The following SPIRE1 variants were observed in gnomAD, a reference collection of about 807,000 sequenced individuals.
The protein encoded by SPIRE1 is protein spire homolog 1.
Under a neutral mutation model 94.1 loss-of-function variants are expected in SPIRE1, and 40 were observed. That is an observed-to-expected ratio of 0.43 (90% confidence interval 0.33 to 0.55). The LOEUF is 0.55. Ranked by LOEUF, SPIRE1 falls within the 20% of genes least tolerant of loss-of-function variation. The pLI, the probability that SPIRE1 is intolerant of heterozygous loss-of-function variation, is 0.06. For missense variants in SPIRE1, 838 were observed against 975.2 expected (o/e 0.86, Z 1.87); for synonymous variants, 376 against 371.7 (o/e 1.01, Z -0.13).
At chr18:12,614,584 G>A (rs1220803425) in intron 2 of SPIRE1, among the ~76,000 whole-genome samples, 2 of 152,222 alleles carry the variant, frequency 1.3e-5, no homozygotes, top group Admixed American at 6.5e-5. Context: ...GGGAGGCCAA[G>A]GTGGGCAGAT....
intron 5 of SPIRE1, among the ~76,000 whole-genome samples, chr18:12,512,248 T>C (rs1203073442): frequency 6.6e-6 from 1 of 152,038 alleles, no homozygotes; most frequent in Non-Finnish European, 1.5e-5. Context: ...CTTGTAGTCC[T>C]GGCTACTTGG....
chr18:12,555,194 C>T (rs1424124966), intron 2 of SPIRE1, among the ~76,000 whole-genome samples: 1 of 152,076 alleles, frequency 6.6e-6, no homozygotes, highest in Non-Finnish European at 1.5e-5. Context: ...AAGCCTTCTC[C>T]CCTGGCAATA....
intron 1 of SPIRE1, among the ~76,000 whole-genome samples, chr18:12,656,406 A>C (rs887423496): frequency 1.3e-5 from 2 of 152,238 alleles, no homozygotes; most frequent in East Asian, 3.8e-4. Context: ...AAAAAATAAA[A>C]GATAAAAGCA....
upstream of SPIRE1, chr18:12,661,245 G>A (rs530269245): frequency 1.8e-4 from 53 of 298,014 alleles, no homozygotes; most frequent in African/African-American, 1.0e-3. Flanking sequence ...GAGGCGGAGC[G>A]TGCAGTGAGC....
intron 2 of SPIRE1, among the ~76,000 whole-genome samples, chr18:12,621,656 G>A (rs76736221): frequency 0.025 from 3,851 of 152,282 alleles, 170 homozygotes; most frequent in African/African-American, 0.087. Context: ...GTCCAGAATA[G>A]GCAAATCTAT....
chr18:12,492,435 T>C (rs1213653853), intron 8 of SPIRE1, among the ~76,000 whole-genome samples: 1 of 152,198 alleles, frequency 6.6e-6, no homozygotes, highest in East Asian at 1.9e-4. Context: ...AATCAATATG[T>C]GCTTGTAGTA....
chr18:12,539,550 G>T (rs923182273), intron 3 of SPIRE1, among the ~76,000 whole-genome samples: 23 of 151,326 alleles, frequency 1.5e-4, no homozygotes, highest in Admixed American at 6.6e-4. Context: ...ATAGTAATGG[G>T]TATCTCAGAC....
intron 2 of SPIRE1, among the ~76,000 whole-genome samples, chr18:12,610,694 G>T (rs1450862879): frequency 6.6e-6 from 1 of 151,978 alleles, no homozygotes; most frequent in African/African-American, 2.4e-5. Flanking sequence ...GGTCATTAAT[G>T]CTCCCCCCAA....
chr18:12,519,740 G>A (rs1567906062), intron 4 of SPIRE1, among the ~76,000 whole-genome samples: 1 of 152,160 alleles, frequency 6.6e-6, no homozygotes, highest in South Asian at 2.1e-4. Context: ...TAAGACAAAT[G>A]CAAATTAAAA....
chr18:12,502,733 A>T (rs1389177543), intron 6 of SPIRE1, among the ~76,000 whole-genome samples: 1 of 152,218 alleles, frequency 6.6e-6, no homozygotes, highest in East Asian at 1.9e-4. Context: ...AATATGGATT[A>T]AAACAATGAA....
intron 9 of SPIRE1, among the ~76,000 whole-genome samples, chr18:12,480,806 G>C (rs1451800889): frequency 6.6e-6 from 1 of 152,156 alleles, no homozygotes; most frequent in African/African-American, 2.4e-5. Context: ...TATTTCAAAT[G>C]AAGAGTTAAA....
intron 10 of SPIRE1, among the ~76,000 whole-genome samples, chr18:12,469,891 A>G (rs965331360): frequency 2.0e-5 from 3 of 151,546 alleles, no homozygotes; most frequent in Non-Finnish European, 4.4e-5. Context: ...TATACTCAAG[A>G]TTTAAAAATA....
At chr18:12,452,681 T>C in intron 14 of SPIRE1, 169 bp from the exon 15 acceptor site, 2 of 704,968 alleles carry the variant, frequency 2.8e-6, no homozygotes, top group Non-Finnish European at 4.9e-6. Context: ...AAAGATAATC[T>C]ACAGAACTTA....
chr18:12,484,685 C>G lies in SPIRE1; in HGVS notation c.1231+1274G>C, dbSNP rs979193103. ...AAATATTTGTGCCAACATCTCATCT[C>G]ATTTTATATTTAAAACAGTAGCTTC... is the stretch of plus-strand genomic sequence containing the variant. On this transcript the variant is annotated intron_variant, in intron 9 of 16. Coordinates refer to ENST00000409402, the MANE Select transcript of SPIRE1 (RefSeq NM_001128626.2). Among the ~76,000 whole-genome samples, 7 of 152,296 alleles carry G rather than the reference C, an allele frequency of 4.6e-5. 1 individual carries two copies. The Middle Eastern group carries it at 0.014, about 296-fold the overall frequency.
intron 12 of SPIRE1, among the ~76,000 whole-genome samples, chr18:12,455,084 T>G (rs566767422): frequency 6.6e-6 from 1 of 151,900 alleles, no homozygotes; most frequent in African/African-American, 2.4e-5. Context: ...TACAGGTGCA[T>G]GCCACCATGC....
intron 7 of SPIRE1, among the ~76,000 whole-genome samples, chr18:12,494,872 A>C (rs2033391839): frequency 7.1e-6 from 1 of 141,114 alleles, no homozygotes; most frequent in Admixed American, 7.2e-5. Context: ...AAAAAAAACA[A>C]ACCCATCTCT....
At position 12,558,941 on chromosome 18, in the gene SPIRE1, T is replaced by C. The variant is rs146356253; in HGVS notation, c.373-12037A>G. 9.4e-3 allele frequency among the ~76,000 whole-genome samples: 1,434 copies of C among 152,192 alleles called. 30 individuals are homozygous for C. Among genetic ancestry groups the C allele is most frequent in the African/African-American group, 0.033 (1,384 of 41,524 alleles). On this transcript the variant is annotated intron_variant, in intron 2 of 16. Coordinates refer to ENST00000409402, the MANE Select transcript of SPIRE1 (RefSeq NM_001128626.2). ...CCTTGAGCTAGACACAGACTGCTGA[T>C]TGGTGCATTTACAATCCTCTAGCTA...
chr18:12,459,654 G>T, intron 12 of SPIRE1: 1 of 635,134 alleles, frequency 1.6e-6, no homozygotes, highest in Non-Finnish European at 2.0e-6. Context: ...GAAGCAAAGT[G>T]CTATCTAAGC....
chr18:12,488,375 G>A (rs550290678), intron 8 of SPIRE1, among the ~76,000 whole-genome samples: 1 of 152,290 alleles, frequency 6.6e-6, no homozygotes, highest in South Asian at 2.1e-4. Context: ...ATTATGCCCA[G>A]TGGGGAGGGC....
Sources: gnomAD v4.1 joint callset for allele counts (sites outside exome capture counted in the v4.1 genomes callset) on GRCh38, gnomAD v4.1.1 for gene constraint, MANE v1.5 for transcripts, NCBI Gene and HGNC (gene_info 2026-07-23, HGNC 2026-07-21) for gene names.